The following DOCK3 variants were observed in gnomAD, a reference collection of about 807,000 sequenced individuals.
DOCK3 encodes the protein dedicator of cytokinesis protein 3.
DOCK3 carries 60 observed loss-of-function variants against 265.6 expected under a neutral mutation model. The ratio of observed to expected loss-of-function variants is 0.23; its 90% CI spans 0.18 to 0.28. DOCK3 has a LOEUF of 0.28. Among genes scored for constraint, DOCK3 ranks in the 10% least tolerant of loss-of-function variants. The pLI is 1.00. For missense variants in DOCK3, 1,981 were observed against 2,594.3 expected (o/e 0.76, Z 5.14); for synonymous variants, 881 against 938.0 (o/e 0.94, Z 1.11).
At chr3:50,848,092 T>C (rs1011889860) in intron 3 of DOCK3, among the ~76,000 whole-genome samples, 1 of 152,028 alleles carries the variant, frequency 6.6e-6, no homozygotes, top group African/African-American at 2.4e-5. Context: ...TTAAAGTCTC[T>C]TTTATCTGAT....
At chr3:51,077,989 G>A (rs1254446474) in intron 7 of DOCK3, among the ~76,000 whole-genome samples, 2 of 150,648 alleles carry the variant, frequency 1.3e-5, no homozygotes, top group African/African-American at 2.4e-5. Flanking sequence ...CTATTTGGGC[G>A]ATGGGTACAC....
chr3:50,720,649 T>C (rs1197008883), intron 1 of DOCK3, among the ~76,000 whole-genome samples: 2 of 152,102 alleles, frequency 1.3e-5, no homozygotes, highest in Admixed American at 6.5e-5. Flanking sequence ...CCTTTGGATA[T>C]ATACCCAGTA....
rs535413390 is a variant in DOCK3 at position 51,198,576 on chromosome 3, C to A, written c.1038-10198C>A. ...TATTATTTATCATTCACTGACAGGT[C>A]ACCAAAAAAAAAAAAAAAAACAGGG... On this transcript the variant is annotated intron_variant, in intron 12 of 52. Transcript: ENST00000266037. Among the ~76,000 whole-genome samples, 416 of 56,804 alleles carry A rather than the reference C, an allele frequency of 7.3e-3. 2 individuals carry two copies. The highest frequency in any genetic ancestry group is 9.9e-3 in the Non-Finnish European group (294 of 29,576). The allele number at this position is 56,804 out of a possible 152,430, so 37.3% of individuals were successfully genotyped here.
rs188768972 is a variant in DOCK3, at chr3:51,190,826, C to A, written c.1038-17948C>A. Among the ~76,000 whole-genome samples, 263 of 152,234 alleles carry A rather than the reference C, an allele frequency of 1.7e-3. 2 individuals carry two copies. Among genetic ancestry groups the A allele is most frequent in the South Asian group, 6.2e-3 (30 of 4,822 alleles). ...AGGTGGGAGCTGGGTCAGGTAGGTC[C>A]ACACCCTGGCTCTCCACTTGCAGGG... On this transcript the variant is annotated intron_variant, in intron 12 of 52. Transcript: ENST00000266037.
At position 51,059,157 on chromosome 3, in the gene DOCK3, A is replaced by G. The variant is rs562296926; in HGVS notation, c.316-5291A>G. On this transcript the variant is annotated intron_variant, in intron 5 of 52. Coordinates refer to ENST00000266037, the MANE Select transcript of DOCK3 (RefSeq NM_004947.5). ...CATGAGTACCCAGTGTTTAGCTCCC[A>G]CTTGTAAATGAGAACATACGGTGTT... Among the ~76,000 whole-genome samples the G allele has an allele frequency of 1.1e-4, 17 of 152,162 alleles. No individual in the cohort carries two copies. In the East Asian group the frequency reaches 3.3e-3, roughly 29 times the overall value.
chr3:51,275,536 A>G (rs140441205), intron 25 of DOCK3, among the ~76,000 whole-genome samples: 407 of 152,260 alleles, frequency 2.7e-3, no homozygotes, highest in Non-Finnish European at 4.8e-3. Flanking sequence ...GAGAATATTC[A>G]GGCATGAGCA....
intron 9 of DOCK3, among the ~76,000 whole-genome samples, chr3:51,136,045 A>G (rs1407741991): frequency 2.6e-5 from 4 of 152,092 alleles, no homozygotes; most frequent in African/African-American, 9.7e-5. Context: ...GAGCTTCCCC[A>G]TACAATAAGC....
At chr3:50,685,400 CT>C (rs1231514889) in intron 1 of DOCK3, among the ~76,000 whole-genome samples, 20 of 152,204 alleles carry the variant, frequency 1.3e-4, no homozygotes, top group African/African-American at 4.1e-4. Flanking sequence ...AAAAGGTCCC[CT>C]ACTACCAGTT....
At chr3:51,153,152 C>T (rs2085690131) in intron 10 of DOCK3, among the ~76,000 whole-genome samples, 1 of 152,252 alleles carries the variant, frequency 6.6e-6, no homozygotes, top group Admixed American at 6.5e-5. Flanking sequence ...GTGGTGGGCT[C>T]TGCCCGTTGG....
chr3:51,075,236 G>A (rs1445868352), intron 6 of DOCK3, 120 bp from the exon 7 acceptor site: 2 of 734,740 alleles, frequency 2.7e-6, no homozygotes, highest in Non-Finnish European at 4.5e-6. Flanking sequence ...ACATGTTCCT[G>A]CTAGGACAGT....
chr3:51,105,072 G>A (rs1181799953), intron 9 of DOCK3, among the ~76,000 whole-genome samples: 3 of 152,204 alleles, frequency 2.0e-5, no homozygotes, highest in Non-Finnish European at 4.4e-5. Flanking sequence ...CCAAGCAAAG[G>A]AGAGAGTGTG....
At chr3:50,898,355 G>T (rs1553694064) in intron 4 of DOCK3, among the ~76,000 whole-genome samples, 2,730 of 151,968 alleles carry the variant, frequency 0.018, 41 homozygotes, top group Non-Finnish European at 0.026. Flanking sequence ...TGGGTCTATT[G>T]GATTCTTCTC....
intron 32 of DOCK3, among the ~76,000 whole-genome samples, chr3:51,318,386 T>TTA (rs937640932): frequency 4.6e-5 from 7 of 152,076 alleles, no homozygotes; most frequent in Non-Finnish European, 7.4e-5. Context: ...CTCAAAAAAA[T>TTA]TATATATATA....
intron 5 of DOCK3, among the ~76,000 whole-genome samples, chr3:50,948,021 AATT>A (rs374547418): frequency 0.43 from 51,935 of 119,892 alleles, 12,723 homozygotes; most frequent in South Asian, 0.51. Context: ...ACGCCCAGCT[AATT>A]ATTATTATTA....
intron 26 of DOCK3, among the ~76,000 whole-genome samples, chr3:51,278,818 C>T (rs975656206): frequency 6.6e-6 from 1 of 152,174 alleles, no homozygotes; most frequent in Admixed American, 6.5e-5. Context: ...TACCTTTTTA[C>T]ATAATGGACT....
At chr3:51,291,278 G>T (rs1376500150) in intron 27 of DOCK3, among the ~76,000 whole-genome samples, 7 of 151,852 alleles carry the variant, frequency 4.6e-5, no homozygotes, top group Non-Finnish European at 1.0e-4. Context: ...AAAGTTAACA[G>T]AAGGAAAGAA....
intron 3 of DOCK3, among the ~76,000 whole-genome samples, chr3:50,853,959 G>A (rs897643624): frequency 2.7e-5 from 4 of 150,356 alleles, no homozygotes; most frequent in East Asian, 2.0e-4. Flanking sequence ...TTTTCTCTGC[G>A]TCCTCGAGAA....
chr3:51,004,494 A>C (rs1350860478), intron 5 of DOCK3, among the ~76,000 whole-genome samples: 1 of 152,184 alleles, frequency 6.6e-6, no homozygotes, highest in East Asian at 1.9e-4. Flanking sequence ...ATAGAGAACT[A>C]AAATAATGGA....
chr3:50,727,965 C>A lies in DOCK3; in HGVS notation c.38-50710C>A, dbSNP rs528027856. Reference sequence around the variant, plus strand: ...AACCACACTATCAACCAAAACTTGACAAAATTGAAATTTTAGATCATTATA... The same window carrying A: ...AACCACACTATCAACCAAAACTTGAAAAAATTGAAATTTTAGATCATTATA... On this transcript the variant is annotated intron_variant, in intron 1 of 52. Coordinates refer to ENST00000266037, the MANE Select transcript of DOCK3 (RefSeq NM_004947.5). 1.2e-4 allele frequency among the ~76,000 whole-genome samples: 19 copies of A among 152,244 alleles called. 1 individual carries two copies. In the South Asian group the frequency reaches 3.9e-3, roughly 32 times the overall value.
Sources: gnomAD v4.1 joint callset for allele counts (sites outside exome capture counted in the v4.1 genomes callset) on GRCh38, gnomAD v4.1.1 for gene constraint, MANE v1.5 for transcripts, NCBI Gene and HGNC (gene_info 2026-07-23, HGNC 2026-07-21) for gene names.